The following GRIK4 variants were observed in gnomAD, a reference collection of about 807,000 sequenced individuals.
GRIK4 encodes the protein glutamate receptor ionotropic, kainate 4.
Under a neutral mutation model 104.9 loss-of-function variants are expected in GRIK4, and 40 were observed. The ratio of observed to expected loss-of-function variants is 0.38; its 90% CI spans 0.30 to 0.50. GRIK4 has a LOEUF of 0.50. Among genes scored for constraint, GRIK4 ranks in the 20% least tolerant of loss-of-function variants. The probability of loss-of-function intolerance (pLI) is 0.93; values close to 1 mark genes in which losing one functional copy is unlikely to be tolerated. For synonymous variants in GRIK4, 485 were observed against 524.9 expected (o/e 0.92, Z 1.04); for missense variants, 1,047 against 1,308.1 (o/e 0.80, Z 3.08).
chr11:120,835,530 A>AG (rs1953551670), intron 7 of GRIK4, among the ~76,000 whole-genome samples: 4 of 84,680 alleles, frequency 4.7e-5, no homozygotes, highest in African/African-American at 1.4e-4. Flanking sequence ...TCTGACTCAA[A>AG]GAAAAAACAA....
chr11:120,915,827 T>C (rs1360152870), intron 13 of GRIK4, among the ~76,000 whole-genome samples: 2 of 152,194 alleles, frequency 1.3e-5, no homozygotes, highest in African/African-American at 4.8e-5. Flanking sequence ...ACATGACCCA[T>C]GAGACAGGAA....
intron 9 of GRIK4, among the ~76,000 whole-genome samples, chr11:120,862,443 G>A (rs180909754): frequency 6.6e-6 from 1 of 152,148 alleles, no homozygotes. Flanking sequence ...CGGTTGGAAG[G>A]GCCTTTAAGC....
At chr11:120,890,413 C>T (rs112958018) in intron 11 of GRIK4, among the ~76,000 whole-genome samples, 2,172 of 152,260 alleles carry the variant, frequency 0.014, 53 homozygotes, top group African/African-American at 0.049. Flanking sequence ...ACTCATATGG[C>T]CTCTTTGAAG....
intron 11 of GRIK4, among the ~76,000 whole-genome samples, chr11:120,895,852 C>G (rs1754104033): frequency 6.6e-6 from 1 of 152,168 alleles, no homozygotes; most frequent in Admixed American, 6.5e-5. Flanking sequence ...TTACCCTTTC[C>G]CCATTCATTT....
intron 3 of GRIK4, among the ~76,000 whole-genome samples, chr11:120,787,783 TG>T (rs1952311608): frequency 6.6e-6 from 1 of 150,908 alleles, no homozygotes; most frequent in South Asian, 2.1e-4. Flanking sequence ...TTTTTAAATG[TG>T]GCTACTGGAA....
intron 3 of GRIK4, among the ~76,000 whole-genome samples, chr11:120,741,584 A>G (rs1045155805): frequency 2.6e-5 from 4 of 152,046 alleles, no homozygotes; most frequent in African/African-American, 9.7e-5. Flanking sequence ...GGCCCTGGCA[A>G]TGTGCTCTTA....
intron 8 of GRIK4, among the ~76,000 whole-genome samples, chr11:120,842,182 A>G (rs1180330939): frequency 6.6e-6 from 1 of 152,264 alleles, no homozygotes; most frequent in African/African-American, 2.4e-5. Flanking sequence ...ACAATGGAAG[A>G]AAATTTCTTA....
intron 3 of GRIK4, among the ~76,000 whole-genome samples, chr11:120,712,075 C>G (rs2135356309): frequency 6.6e-6 from 1 of 152,348 alleles, no homozygotes; most frequent in South Asian, 2.1e-4. Flanking sequence ...AGCTTACACC[C>G]AGCAGGGAAA....
rs1248369592 is a variant in GRIK4, at chr11:120,984,070, T to C, written c.2515-1834T>C. The stretch of plus-strand genomic sequence containing the variant: ...GTAGGCCTTATTCCATTAAGTGACA[T>C]CACCTTTCTGTAGCTGCCTCACATT... On this transcript the variant is annotated intron_variant, in intron 20 of 20. Coordinates refer to ENST00000527524, the MANE Select transcript of GRIK4 (RefSeq NM_014619.5). 2.6e-5 allele frequency among the ~76,000 whole-genome samples: 4 copies of C among 152,192 alleles called. No individual in the cohort carries two copies. The East Asian group carries it at 7.7e-4, about 29-fold the overall frequency.
At chr11:120,926,806 G>C (rs1294533149) in intron 13 of GRIK4, among the ~76,000 whole-genome samples, 2 of 152,196 alleles carry the variant, frequency 1.3e-5, no homozygotes, top group Non-Finnish European at 2.9e-5. Context: ...ACTCCTTCCT[G>C]AAGATGGCAC....
chr11:120,848,655 A>G (rs968654797), intron 8 of GRIK4, among the ~76,000 whole-genome samples: 3 of 152,152 alleles, frequency 2.0e-5, no homozygotes, highest in Non-Finnish European at 4.4e-5. Context: ...GGACTGATGA[A>G]TCAGTATATC....
intron 8 of GRIK4, among the ~76,000 whole-genome samples, chr11:120,860,798 T>G (rs1260666163): frequency 6.6e-6 from 1 of 152,202 alleles, no homozygotes. Context: ...GTTGAGGTTC[T>G]TAGAAAGCAA....
At chr11:120,546,969 T>C (rs562319873) in intron 1 of GRIK4, among the ~76,000 whole-genome samples, 2 of 152,152 alleles carry the variant, frequency 1.3e-5, no homozygotes, top group Admixed American at 1.3e-4. Context: ...GGTCGGGGGG[T>C]TGGCATTGCC....
chr11:120,584,024 T>G (rs1399943744), intron 1 of GRIK4, among the ~76,000 whole-genome samples: 1 of 152,220 alleles, frequency 6.6e-6, no homozygotes, highest in African/African-American at 2.4e-5. Context: ...TGGACGTTGT[T>G]GGTGTATAGA....
chr11:120,621,025 ATCC>A (rs2135164460), intron 1 of GRIK4, among the ~76,000 whole-genome samples: 1 of 152,288 alleles, frequency 6.6e-6, no homozygotes, highest in East Asian at 1.9e-4. Flanking sequence ...CAAAACCTAT[ATCC>A]TCAGCCATTA....
intron 5 of GRIK4, among the ~76,000 whole-genome samples, chr11:120,816,020 T>C (rs933035800): frequency 3.3e-5 from 5 of 152,202 alleles, no homozygotes; most frequent in African/African-American, 1.2e-4. Context: ...GTTTGCTTCT[T>C]CAAGCAGCAC....
chr11:120,592,384 G>A (rs527891254), intron 1 of GRIK4, among the ~76,000 whole-genome samples: 22 of 152,282 alleles, frequency 1.4e-4, no homozygotes, highest in African/African-American at 4.8e-4. Flanking sequence ...CACCCCCTAC[G>A]TGATTGTACC....
chr11:120,843,304 G>T (rs1031578580), intron 8 of GRIK4, among the ~76,000 whole-genome samples: 4 of 152,230 alleles, frequency 2.6e-5, no homozygotes, highest in African/African-American at 9.6e-5. Flanking sequence ...GCTATTTGTG[G>T]GGTGTCAACA....
At chr11:120,947,355 T>C (rs1943886123) in intron 14 of GRIK4, among the ~76,000 whole-genome samples, 2 of 151,120 alleles carry the variant, frequency 1.3e-5, no homozygotes, top group Admixed American at 1.3e-4. Flanking sequence ...TGAGCCGAGA[T>C]TGCAACATTG....
Sources: allele counts gnomAD v4.1 joint callset (sites outside exome capture counted in the v4.1 genomes callset), GRCh38; gene constraint gnomAD v4.1.1; transcripts MANE v1.5; gene names NCBI Gene and HGNC (gene_info 2026-07-23, HGNC 2026-07-21).